ASZ1: variants seen among roughly 807,000 people sequenced by gnomAD.
ASZ1 encodes ankyrin repeat, SAM and basic leucine zipper domain containing 1.
In ASZ1, 67 loss-of-function variants were observed where a neutral mutation model predicts 61.8. The observed-to-expected ratio is 1.08, with a 90% confidence interval of 0.89 to 1.33. The LOEUF is 1.33. Among genes scored for constraint, ASZ1 ranks in the 40% most tolerant of loss-of-function variants. The pLI is 0.00. For missense variants in ASZ1, 577 were observed against 554.5 expected (o/e 1.04, Z -0.41); for synonymous variants, 193 against 192.7 (o/e 1.00, Z -0.01).
chr7:117,368,277 G>A, intron 11 of ASZ1: 1 of 981,230 alleles, frequency 1.0e-6, no homozygotes. Flanking sequence ...TATTGATATG[G>A]TTTTTAAATA....
At chr7:117,392,534 T>C (rs748830600) in intron 4 of ASZ1, among the ~76,000 whole-genome samples, 6 of 152,168 alleles carry the variant, frequency 3.9e-5, no homozygotes, top group Non-Finnish European at 8.8e-5. Context: ...TTTTTGTGCA[T>C]TGATTTAGTA....
Position 117,379,983 on chromosome 7 carries a change from T to G in ASZ1, c.1010A>C (p.Glu337Ala). ...TTCAGATAGCTCTCCAAATTGTATCTCTTCTACCTGTAGTTCTTTAAGAGC... is the reference window on the plus strand; with the variant it reads ...TTCAGATAGCTCTCCAAATTGTATCGCTTCTACCTGTAGTTCTTTAAGAGC... ...LAALKELQVE[E>A]IQFGELSEET... Residue 337 changes from glutamate to alanine, a missense_variant, in exon 10 of 13, where the codon GAG (glutamate) becomes GCG (alanine). Glu to Ala is a moderately radical substitution (Grantham distance 107, BLOSUM62 -1). Coordinates refer to ENST00000284629, the MANE Select transcript of ASZ1 (RefSeq NM_130768.3). 1 of 1,607,694 alleles carries G rather than the reference T, an allele frequency of 6.2e-7. No homozygotes were observed. The highest frequency in any genetic ancestry group is 8.5e-7 in the Non-Finnish European group (1 of 1,176,698).
At chr7:117,406,474 G>A (rs1030832789) in intron 4 of ASZ1, among the ~76,000 whole-genome samples, 19 of 152,094 alleles carry the variant, frequency 1.2e-4, no homozygotes, top group Non-Finnish European at 1.6e-4. Flanking sequence ...AAATTGTGAG[G>A]TTTAAATAGA....
At chr7:117,378,239 T>C (rs752900093) in intron 10 of ASZ1, among the ~76,000 whole-genome samples, 1 of 151,934 alleles carries the variant, frequency 6.6e-6, no homozygotes, top group Non-Finnish European at 1.5e-5. Context: ...AAGACCCCAT[T>C]AAGAGGATGA....
intron 4 of ASZ1, among the ~76,000 whole-genome samples, chr7:117,411,856 A>C (rs753068701): frequency 6.6e-6 from 1 of 151,866 alleles, no homozygotes; most frequent in Non-Finnish European, 1.5e-5. Flanking sequence ...CTGGTTCATA[A>C]GACAGTACTC....
At chr7:117,369,761 T>C (rs1584716285) in intron 10 of ASZ1, among the ~76,000 whole-genome samples, 1 of 152,168 alleles carries the variant, frequency 6.6e-6, no homozygotes, top group East Asian at 1.9e-4. Context: ...AGGAATTGAA[T>C]TTGGTGGTGC....
At chr7:117,422,033 C>G (rs1225872764) in intron 3 of ASZ1, among the ~76,000 whole-genome samples, 2 of 152,124 alleles carry the variant, frequency 1.3e-5, no homozygotes, top group Non-Finnish European at 2.9e-5. Context: ...TATAAAGATA[C>G]TATAACTGGA....
intron 10 of ASZ1, among the ~76,000 whole-genome samples, chr7:117,372,898 A>G (rs1418721262): frequency 6.6e-6 from 1 of 152,208 alleles, no homozygotes; most frequent in East Asian, 1.9e-4. Context: ...AAGTTTCAAA[A>G]TAATTTTAAT....
chr7:117,420,419 C>T (rs1379596008), intron 3 of ASZ1, 145 bp from the exon 4 acceptor site: 15 of 531,216 alleles, frequency 2.8e-5, no homozygotes, highest in Non-Finnish European at 4.6e-5. Flanking sequence ...GTAACTTTGT[C>T]TTCCTTCATC....
intron 11 of ASZ1, 161 bp downstream of exon 11, chr7:117,368,451 A>G: frequency 7.3e-7 from 1 of 1,362,012 alleles, no homozygotes; most frequent in Non-Finnish European, 9.4e-7. Flanking sequence ...TATGTAAAGG[A>G]GTAATATTAA....
rs1237103215 is a variant in ASZ1, at chr7:117,425,290, G to C, written c.205+1546C>G. Among the ~76,000 whole-genome samples, 5 of 123,006 alleles carry C rather than the reference G, an allele frequency of 4.1e-5. No individual in the cohort carries two copies. The East Asian group carries it at 1.1e-3, about 27-fold the overall frequency. 80.7% of individuals were successfully genotyped at this position (123,006 alleles called of 152,430 possible). On this transcript the variant is annotated intron_variant, in intron 2 of 12. Transcript: ENST00000284629. ...TTTTTTTTTTTTTTTTTTTGAGACGGAGTCTCGCTTTGTCGCCCAGGCTGG... is the reference window on the plus strand; with the variant it reads ...TTTTTTTTTTTTTTTTTTTGAGACGCAGTCTCGCTTTGTCGCCCAGGCTGG...
intron 9 of ASZ1, among the ~76,000 whole-genome samples, 174 bp from the exon 10 acceptor site, chr7:117,380,221 G>C (rs1327220824): frequency 6.6e-6 from 1 of 151,684 alleles, no homozygotes; most frequent in Non-Finnish European, 1.5e-5. Flanking sequence ...ATTGATGTTA[G>C]TTACAGCATT....
intron 10 of ASZ1, among the ~76,000 whole-genome samples, chr7:117,371,204 T>C (rs1157396473): frequency 6.6e-6 from 1 of 152,158 alleles, no homozygotes; most frequent in African/African-American, 2.4e-5. Context: ...TTTCTTACAC[T>C]ATTTCTAGAA....
chr7:117,389,797 T>C (rs1796428440), intron 4 of ASZ1, among the ~76,000 whole-genome samples: 1 of 152,206 alleles, frequency 6.6e-6, no homozygotes, highest in African/African-American at 2.4e-5. Context: ...AGCCTGGCCA[T>C]TCTCCAATTG....
intron 7 of ASZ1, among the ~76,000 whole-genome samples, 182 bp from the exon 8 acceptor site, chr7:117,382,326 T>C (rs1357052210): frequency 6.6e-6 from 1 of 152,254 alleles, no homozygotes; most frequent in African/African-American, 2.4e-5. Flanking sequence ...TGAAGATATA[T>C]GAGGAGTATA....
chr7:117,390,772 T>C (rs1295161590), intron 4 of ASZ1, among the ~76,000 whole-genome samples: 2 of 152,110 alleles, frequency 1.3e-5, no homozygotes, highest in Non-Finnish European at 2.9e-5. Flanking sequence ...GGCACAATCT[T>C]GGCTCACTGC....
intron 4 of ASZ1, among the ~76,000 whole-genome samples, chr7:117,413,595 A>G (rs757929823): frequency 6.6e-6 from 1 of 152,056 alleles, no homozygotes; most frequent in Non-Finnish European, 1.5e-5. Flanking sequence ...CTAGAGGCTT[A>G]ATTTTAAAAA....
At chr7:117,420,342 C>CTCAAAGACATCTATTTGATGTCTTTTCA in intron 3 of ASZ1, 68 bp from the exon 4 acceptor site, 1 of 1,109,524 alleles carries the variant, frequency 9.0e-7, no homozygotes, top group Non-Finnish European at 1.3e-6. Flanking sequence ...GTCTTTACCA[C>CTCAAAGACATCTATTTGATGTCTTTTCA]TCAAAACATT....
At chr7:117,368,487 G>T in intron 11 of ASZ1, 125 bp downstream of exon 11, 1 of 1,444,606 alleles carries the variant, frequency 6.9e-7, no homozygotes. Context: ...TAGATCTTAT[G>T]TGATTTTGCA....
Sources: allele counts gnomAD v4.1 joint callset (sites outside exome capture counted in the v4.1 genomes callset), GRCh38; gene constraint gnomAD v4.1.1; transcripts MANE v1.5; gene names NCBI Gene and HGNC (gene_info 2026-07-23, HGNC 2026-07-21).